Variants in APOO observed in about 807,000 individuals in gnomAD.
APOO encodes MICOS complex subunit MIC26.
Under a neutral mutation model 23.1 loss-of-function variants are expected in APOO, and 11 were observed. The ratio of observed to expected loss-of-function variants is 0.48; its 90% CI spans 0.30 to 0.79. APOO has a LOEUF of 0.79. Among genes scored for constraint, APOO ranks in the 30% least tolerant of loss-of-function variants. The pLI, the probability that APOO is intolerant of heterozygous loss-of-function variation, is 0.07. For missense variants in APOO, 160 were observed against 142.7 expected (o/e 1.12, Z -0.62); for synonymous variants, 59 against 54.8 (o/e 1.08, Z -0.34).
intron 7 of APOO, among the ~76,000 whole-genome samples, chrX:23,849,305 C>T (rs1218332195): frequency 1.8e-5 from 2 of 108,689 alleles, no homozygotes; most frequent in Non-Finnish European, 3.8e-5. Flanking sequence ...GCTGCTAAAA[C>T]CAATAAAAAC....
intron 7 of APOO, among the ~76,000 whole-genome samples, chrX:23,848,738 T>A (rs1405702840): frequency 9.4e-6 from 1 of 106,530 alleles, no homozygotes; most frequent in African/African-American, 3.4e-5. Flanking sequence ...CAGGCTGGAG[T>A]GAGGTGGCAT....
Position 23,906,606 on chromosome X carries a change from T to C in APOO, c.9+1088A>G, listed in dbSNP as rs767961647. ...ACATAACAGGTGTTTAACACACAAA[T>C]TTATCAAATGAATGTTGATTATAGG... On this transcript the variant is annotated intron_variant, in intron 1 of 8. Transcript: ENST00000379226. Among the ~76,000 whole-genome samples the C allele has an allele frequency of 3.5e-5, 4 of 113,088 alleles. No individual in the cohort carries two copies. The East Asian group carries it at 8.3e-4, about 23-fold the overall frequency.
At chrX:23,863,388 A>C (rs1446920528) in intron 5 of APOO, among the ~76,000 whole-genome samples, 1 of 111,784 alleles carries the variant, frequency 8.9e-6, no homozygotes, top group Non-Finnish European at 1.9e-5. Context: ...AATTCAGAAC[A>C]CTAAAGATTC....
intron 1 of APOO, among the ~76,000 whole-genome samples, chrX:23,885,833 T>C (rs938494852): frequency 1.8e-5 from 2 of 111,286 alleles, no homozygotes; most frequent in African/African-American, 6.5e-5. Context: ...TGCAGCGGCC[T>C]TTTCAGCTTC....
chrX:23,840,153 T>C (rs967916992), intron 8 of APOO, 160 bp downstream of exon 8: 1 of 332,639 alleles, frequency 3.0e-6, no homozygotes, highest in Non-Finnish European at 5.1e-6. Flanking sequence ...CACAAATAAG[T>C]AAGTCACAGC....
intron 7 of APOO, among the ~76,000 whole-genome samples, chrX:23,849,609 A>AAAAAAAG (rs1311653969): frequency 5.3e-5 from 5 of 94,474 alleles, no homozygotes; most frequent in African/African-American, 9.0e-5. Flanking sequence ...AAAAAAAAAA[A>AAAAAAAG]GTTCGGGCAT....
chrX:23,875,015 C>T (rs1925777178), intron 3 of APOO, among the ~76,000 whole-genome samples: 2 of 111,416 alleles, frequency 1.8e-5, no homozygotes, highest in Non-Finnish European at 1.9e-5. Flanking sequence ...TTTGGGAGGC[C>T]GAGTGGGGCA....
At chrX:23,869,812 C>A (rs934821001) in intron 4 of APOO, among the ~76,000 whole-genome samples, 2 of 107,414 alleles carry the variant, frequency 1.9e-5, no homozygotes, top group South Asian at 8.1e-4. Context: ...ATTAGCTGGG[C>A]GTGGTGGCAC....
intron 1 of APOO, among the ~76,000 whole-genome samples, chrX:23,891,989 A>G (rs1926675715): frequency 4.3e-4 from 1 of 2,325 alleles, no homozygotes; most frequent in Non-Finnish European, 5.8e-4. Flanking sequence ...TCTTTCTCCA[A>G]AACTGTTTTT....
chrX:23,903,491 C>T (rs1169528906), intron 1 of APOO, among the ~76,000 whole-genome samples: 1 of 111,643 alleles, frequency 9.0e-6, no homozygotes, highest in African/African-American at 3.3e-5. Flanking sequence ...ACTACTAGAC[C>T]TAACATCACC....
intron 1 of APOO, among the ~76,000 whole-genome samples, chrX:23,904,892 T>C (rs1035693160): frequency 1.8e-5 from 2 of 111,359 alleles, no homozygotes; most frequent in Non-Finnish European, 3.8e-5. Context: ...TTTAAGCAGT[T>C]GGGTTTTCCC....
At chrX:23,873,810 G>A (rs752159004) in intron 4 of APOO, among the ~76,000 whole-genome samples, 3 of 111,128 alleles carry the variant, frequency 2.7e-5, no homozygotes, top group Non-Finnish European at 5.6e-5. Context: ...GCCTAATAAG[G>A]GGAATGAAAT....
intron 1 of APOO, among the ~76,000 whole-genome samples, chrX:23,906,735 A>C (rs1927374720): frequency 8.9e-6 from 1 of 111,962 alleles, no homozygotes; most frequent in South Asian, 3.7e-4. Context: ...CCTTATAACA[A>C]CCCTATGAGG....
chrX:23,839,539 G>A (rs1222922607), intron 8 of APOO, among the ~76,000 whole-genome samples: 1 of 111,628 alleles, frequency 9.0e-6, no homozygotes, highest in Non-Finnish European at 1.9e-5. Flanking sequence ...TACAATAAAT[G>A]TAACACCAAT....
chrX:23,839,083 G>T (rs1414045293), intron 8 of APOO, among the ~76,000 whole-genome samples: 1 of 111,926 alleles, frequency 8.9e-6, no homozygotes, highest in African/African-American at 3.2e-5. Flanking sequence ...CACATCCCAT[G>T]CATATCTGGC....
chrX:23,852,405 T>C (rs754602453), intron 7 of APOO, among the ~76,000 whole-genome samples: 3 of 110,333 alleles, frequency 2.7e-5, no homozygotes, highest in Non-Finnish European at 5.7e-5. Flanking sequence ...AAGACCACCC[T>C]GCACAACATG....
At chrX:23,866,380 G>A (rs1245786576) in intron 5 of APOO, among the ~76,000 whole-genome samples, 2 of 112,341 alleles carry the variant, frequency 1.8e-5, no homozygotes, top group Non-Finnish European at 3.8e-5. Context: ...TATTCTGCAT[G>A]AGATGGGAGG....
chrX:23,868,942 CTT>C (rs1925472290), intron 4 of APOO, among the ~76,000 whole-genome samples: 1 of 98,460 alleles, frequency 1.0e-5, no homozygotes, highest in Non-Finnish European at 2.0e-5. Context: ...AAGTTTTGCT[CTT>C]GTCGCCCAGG....
intron 1 of APOO, among the ~76,000 whole-genome samples, chrX:23,889,701 C>T (rs1309378942): frequency 1.9e-4 from 18 of 94,070 alleles, no homozygotes; most frequent in South Asian, 5.4e-4. Flanking sequence ...CTCGCTCTGT[C>T]GCCCAGGCTG....
Sources: allele counts gnomAD v4.1 joint callset (sites outside exome capture counted in the v4.1 genomes callset), GRCh38; gene constraint gnomAD v4.1.1; transcripts MANE v1.5; gene names NCBI Gene and HGNC (gene_info 2026-07-23, HGNC 2026-07-21).